Variants in ADAM18 observed in about 807,000 individuals in gnomAD.
The protein encoded by ADAM18 is ADAM metallopeptidase domain 18.
A neutral mutation model predicts 94.4 loss-of-function variants in ADAM18; 117 were observed. That is an observed-to-expected ratio of 1.24 (90% CI 1.07 to 1.45). The LOEUF (loss-of-function observed/expected upper bound fraction) is 1.45. Ranked by LOEUF, ADAM18 falls within the 40% of genes most tolerant of loss-of-function variation. The pLI is 0.00. For missense variants in ADAM18, 936 were observed against 880.0 expected (o/e 1.06, Z -0.81); for synonymous variants, 327 against 291.6 (o/e 1.12, Z -1.24).
At chr8:39,697,606 A>G (rs1226450717) in intron 17 of ADAM18, among the ~76,000 whole-genome samples, 1 of 151,712 alleles carries the variant, frequency 6.6e-6, no homozygotes, top group African/African-American at 2.4e-5. Flanking sequence ...TTGCTTAATC[A>G]TATATTTACT....
intron 18 of ADAM18, among the ~76,000 whole-genome samples, chr8:39,722,590 G>A (rs1175106944): frequency 6.6e-6 from 1 of 151,292 alleles, no homozygotes; most frequent in African/African-American, 2.4e-5. Flanking sequence ...ACACTATTCC[G>A]ATGATAGGTA....
chr8:39,665,410 T>TAA (rs1820969878), intron 13 of ADAM18, among the ~76,000 whole-genome samples: 1 of 152,214 alleles, frequency 6.6e-6, no homozygotes, highest in African/African-American at 2.4e-5. Flanking sequence ...TTAATATTCA[T>TAA]AAGCATATTT....
chr8:39,695,866 A>G (rs1253900046), intron 17 of ADAM18, among the ~76,000 whole-genome samples: 3 of 151,322 alleles, frequency 2.0e-5, no homozygotes, highest in Non-Finnish European at 4.4e-5. Flanking sequence ...TAATATTGCT[A>G]TGAACATTGG....
At chr8:39,642,783 A>G (rs1820272103) in intron 10 of ADAM18, among the ~76,000 whole-genome samples, 1 of 152,064 alleles carries the variant, frequency 6.6e-6, no homozygotes, top group African/African-American at 2.4e-5. Context: ...TTGTGGTTCC[A>G]TATGAATTTT....
At chr8:39,599,878 G>GT (rs1010161470) in intron 2 of ADAM18, among the ~76,000 whole-genome samples, 64 of 144,388 alleles carry the variant, frequency 4.4e-4, no homozygotes, top group East Asian at 8.1e-4. Flanking sequence ...AAAAATTTGT[G>GT]TTTTTTTTTT....
intron 6 of ADAM18, among the ~76,000 whole-genome samples, chr8:39,613,525 C>T (rs1819344022): frequency 6.6e-6 from 1 of 152,192 alleles, no homozygotes; most frequent in South Asian, 2.1e-4. Flanking sequence ...CCACACAGAT[C>T]AGGAAGAACC....
intron 17 of ADAM18, among the ~76,000 whole-genome samples, chr8:39,693,551 AT>A (rs1821840760): frequency 1.3e-5 from 2 of 151,292 alleles, no homozygotes; most frequent in South Asian, 4.1e-4. Context: ...AACTTTATAC[AT>A]ATCTGATATG....
intron 6 of ADAM18, among the ~76,000 whole-genome samples, chr8:39,620,318 T>A (rs1336155163): frequency 3.6e-5 from 5 of 139,672 alleles, no homozygotes; most frequent in Non-Finnish European, 7.6e-5. Flanking sequence ...TGAGCAAAGA[T>A]TTTTTTAGAC....
intron 6 of ADAM18, among the ~76,000 whole-genome samples, chr8:39,616,589 G>C (rs1819448843): frequency 1.3e-5 from 2 of 152,116 alleles, no homozygotes; most frequent in Admixed American, 6.6e-5. Flanking sequence ...AAAGAACAAA[G>C]CTGCAATCAT....
At chr8:39,648,134 C>T (rs1346926145) in intron 11 of ADAM18, among the ~76,000 whole-genome samples, 1 of 152,058 alleles carries the variant, frequency 6.6e-6, no homozygotes, top group Non-Finnish European at 1.5e-5. Flanking sequence ...ATTGCATTAC[C>T]TTGATGAGAA....
At chr8:39,720,676 C>T (rs992711386) in intron 18 of ADAM18, among the ~76,000 whole-genome samples, 2 of 151,270 alleles carry the variant, frequency 1.3e-5, no homozygotes, top group African/African-American at 4.8e-5. Context: ...TTTCATCCAA[C>T]TGTACAGTGG....
chr8:39,591,169 TG>T (rs1276677801), intron 2 of ADAM18, among the ~76,000 whole-genome samples: 1 of 152,168 alleles, frequency 6.6e-6, no homozygotes, highest in Non-Finnish European at 1.5e-5. Context: ...AATCAGGCCT[TG>T]TCTGATGTTG....
intron 2 of ADAM18, among the ~76,000 whole-genome samples, chr8:39,590,990 G>A (rs1818554145): frequency 6.6e-6 from 1 of 152,174 alleles, no homozygotes; most frequent in African/African-American, 2.4e-5. Flanking sequence ...TGGTATCCCA[G>A]TGCATACCAA....
At chr8:39,594,793 GTT>G (rs71237182) in intron 2 of ADAM18, among the ~76,000 whole-genome samples, 330 of 46,886 alleles carry the variant, frequency 7.0e-3, no homozygotes, top group Middle Eastern at 0.019. Flanking sequence ...TTTGCTGTGA[GTT>G]TTTTTTTTTT....
intron 13 of ADAM18, among the ~76,000 whole-genome samples, chr8:39,666,050 T>G (rs1820986586): frequency 6.6e-6 from 1 of 152,200 alleles, no homozygotes; most frequent in Non-Finnish European, 1.5e-5. Context: ...TTTTGTTTGT[T>G]TGTTTGAGAC....
intron 7 of ADAM18, 64 bp downstream of exon 7, chr8:39,629,503 C>T (rs3735881): frequency 0.89 from 1,006,444 of 1,130,198 alleles, 451,446 homozygotes; most frequent in Middle Eastern, 0.92. Context: ...AAGAACTTTC[C>T]TTCTTGCATT....
At chr8:39,657,971 T>C (rs762399158) in intron 12 of ADAM18, among the ~76,000 whole-genome samples, 4 of 152,168 alleles carry the variant, frequency 2.6e-5, no homozygotes, top group Non-Finnish European at 4.4e-5. Flanking sequence ...TAAATGAGAA[T>C]TATATTGTAT....
intron 16 of ADAM18, among the ~76,000 whole-genome samples, chr8:39,690,639 A>T (rs543979016): frequency 6.6e-6 from 1 of 152,260 alleles, no homozygotes; most frequent in South Asian, 2.1e-4. Context: ...CATACAGCAC[A>T]TTTTTTGTCA....
intron 4 of ADAM18, 113 bp from the exon 5 acceptor site, chr8:39,609,372 A>C (rs1819193402): frequency 4.0e-6 from 3 of 746,070 alleles, no homozygotes; most frequent in Non-Finnish European, 6.5e-6. Context: ...TGCATTAATA[A>C]TTAATGATCT....
Sources: gnomAD v4.1 joint callset for allele counts (sites outside exome capture counted in the v4.1 genomes callset) on GRCh38, gnomAD v4.1.1 for gene constraint, MANE v1.5 for transcripts, NCBI Gene and HGNC (gene_info 2026-07-23, HGNC 2026-07-21) for gene names.